The following CNTN4 variants were observed in gnomAD, a reference collection of about 807,000 sequenced individuals.
CNTN4 encodes contactin-4.
In CNTN4, 77 loss-of-function variants were observed where a neutral mutation model predicts 122.5. That is an observed-to-expected ratio of 0.63 (90% confidence interval 0.52 to 0.76). CNTN4 has a LOEUF of 0.76. CNTN4 is among the 30% of genes least tolerant of loss of function. The pLI, the probability that CNTN4 is intolerant of heterozygous loss-of-function variation, is 0.00. For synonymous variants in CNTN4, 512 were observed against 447.0 expected (o/e 1.15, Z -1.83); for missense variants, 1,256 against 1,259.1 (o/e 1.00, Z 0.04).
At chr3:2,330,034 T>C (rs1032565044) in intron 2 of CNTN4, among the ~76,000 whole-genome samples, 5 of 152,044 alleles carry the variant, frequency 3.3e-5, no homozygotes, top group African/African-American at 1.2e-4. Flanking sequence ...TGCCCCCTAC[T>C]TCAGATGCCA....
At chr3:2,706,450 G>A (rs1178497979) in intron 4 of CNTN4, among the ~76,000 whole-genome samples, 12 of 152,120 alleles carry the variant, frequency 7.9e-5, no homozygotes, top group Admixed American at 7.2e-4. Context: ...TTGATTTTTA[G>A]TATTATAATT....
intron 14 of CNTN4, among the ~76,000 whole-genome samples, chr3:3,019,843 G>A (rs570819393): frequency 2.0e-5 from 3 of 147,650 alleles, no homozygotes; most frequent in African/African-American, 5.0e-5. Flanking sequence ...CACATATATT[G>A]TATATGGGGG....
intron 12 of CNTN4, among the ~76,000 whole-genome samples, chr3:2,904,663 G>T (rs2094210411): frequency 1.3e-5 from 2 of 152,188 alleles, no homozygotes; most frequent in African/African-American, 4.8e-5. Context: ...CTTCTGCCCG[G>T]ATTTGCTAAC....
chr3:2,235,213 T>G (rs2039635147), intron 2 of CNTN4, among the ~76,000 whole-genome samples: 1 of 152,188 alleles, frequency 6.6e-6, no homozygotes, highest in African/African-American at 2.4e-5. Flanking sequence ...TAGTTTGAGA[T>G]GTAATGATGC....
At chr3:2,647,097 A>C (rs2083158612) in intron 4 of CNTN4, among the ~76,000 whole-genome samples, 1 of 152,038 alleles carries the variant, frequency 6.6e-6, no homozygotes, top group South Asian at 2.1e-4. Context: ...TTTAAAAAGC[A>C]AGGCCAGGCA....
chr3:2,576,576 C>A (rs2079699018), intron 4 of CNTN4, among the ~76,000 whole-genome samples: 2 of 132,974 alleles, frequency 1.5e-5, no homozygotes, highest in Non-Finnish European at 3.1e-5. Context: ...GAGATGGAGT[C>A]TTGCTCTGTC....
At chr3:2,189,377 A>T (rs761117220) in intron 2 of CNTN4, among the ~76,000 whole-genome samples, 6 of 152,156 alleles carry the variant, frequency 3.9e-5, no homozygotes, top group Non-Finnish European at 7.4e-5. Context: ...CAAACAGAAG[A>T]GGCTAACCAG....
intron 2 of CNTN4, among the ~76,000 whole-genome samples, chr3:2,209,557 C>G (rs2038514330): frequency 6.6e-6 from 1 of 152,122 alleles, no homozygotes; most frequent in African/African-American, 2.4e-5. Context: ...GCACTGTGGT[C>G]TCCTTCAACC....
chr3:2,983,162 C>T (rs998948429), intron 13 of CNTN4, among the ~76,000 whole-genome samples: 6 of 121,272 alleles, frequency 4.9e-5, no homozygotes, highest in Admixed American at 1.1e-4. Context: ...TGCAGTGAGC[C>T]GAGATCGCAG....
chr3:2,613,816 G>A (rs748655578), intron 4 of CNTN4, among the ~76,000 whole-genome samples: 2 of 151,842 alleles, frequency 1.3e-5, no homozygotes, highest in Non-Finnish European at 2.9e-5. Flanking sequence ...CAGCTTAAAT[G>A]TTTGTTTGTT....
intron 13 of CNTN4, among the ~76,000 whole-genome samples, chr3:2,933,855 G>A (rs945983111): frequency 1.3e-5 from 2 of 152,128 alleles, no homozygotes; most frequent in Non-Finnish European, 2.9e-5. Flanking sequence ...GAGTGCATAT[G>A]TTCATCCAGA....
rs1347736389 is a variant in CNTN4 at position 2,841,785 on chromosome 3, C to T, written c.454+22204C>T. On this transcript the variant is annotated intron_variant, in intron 7 of 24. Coordinates refer to ENST00000418658, the MANE Select transcript of CNTN4 (RefSeq NM_175607.3). The surrounding 1 kb of genome is among the most constrained non-coding windows in gnomAD (Gnocchi z 4.8). ...CATTTTCAGGAATTTTATTCTTCCT[C>T]CCTTGACCACAAATATTAAACGTTT... Among the ~76,000 whole-genome samples the T allele has an allele frequency of 6.6e-6, 1 of 151,894 alleles. No individual in the cohort carries two copies. The highest frequency in any genetic ancestry group is 1.9e-4 in the East Asian group (1 of 5,192).
At chr3:2,323,390 C>A (rs890342203) in intron 2 of CNTN4, among the ~76,000 whole-genome samples, 1 of 152,064 alleles carries the variant, frequency 6.6e-6, no homozygotes, top group Non-Finnish European at 1.5e-5. Flanking sequence ...TTCATGGAAC[C>A]TGGTAAATTA....
intron 2 of CNTN4, among the ~76,000 whole-genome samples, chr3:2,321,633 C>G (rs1439575600): frequency 6.6e-6 from 1 of 151,216 alleles, no homozygotes; most frequent in Non-Finnish European, 1.5e-5. Context: ...CATACTTAGT[C>G]TTGTCAAAGC....
intron 3 of CNTN4, among the ~76,000 whole-genome samples, chr3:2,395,979 A>C (rs1433153662): frequency 6.6e-6 from 1 of 151,930 alleles, no homozygotes; most frequent in South Asian, 2.1e-4. Flanking sequence ...GAGCGCAAAC[A>C]CACAGGAACA....
intron 14 of CNTN4, among the ~76,000 whole-genome samples, chr3:3,015,263 C>A (rs1233468916): frequency 1.3e-5 from 2 of 151,860 alleles, no homozygotes; most frequent in Admixed American, 6.6e-5. Flanking sequence ...TTAATAGTTG[C>A]CCATTCTGAA....
chr3:2,660,725 C>A (rs1283453129), intron 4 of CNTN4, among the ~76,000 whole-genome samples: 1 of 152,246 alleles, frequency 6.6e-6, no homozygotes, highest in Non-Finnish European at 1.5e-5. Context: ...TGGTTACCTA[C>A]TCTTTGCATC....
chr3:3,017,058 G>A (rs1022508403), intron 14 of CNTN4, among the ~76,000 whole-genome samples: 5 of 152,170 alleles, frequency 3.3e-5, no homozygotes, highest in Non-Finnish European at 5.9e-5. Context: ...ACTTGTGAAC[G>A]TGCCCTATGC....
chr3:2,635,243 G>A (rs2082613664), intron 4 of CNTN4, among the ~76,000 whole-genome samples: 1 of 152,060 alleles, frequency 6.6e-6, no homozygotes. Context: ...GGGTCAATCT[G>A]ACAATCTCCA....
Sources: gnomAD v4.1 joint callset for allele counts (sites outside exome capture counted in the v4.1 genomes callset) on GRCh38, gnomAD v4.1.1 for gene constraint, Gnocchi (gnomAD v3.1) non-coding constraint, MANE v1.5 for transcripts, NCBI Gene and HGNC (gene_info 2026-07-23, HGNC 2026-07-21) for gene names.